The following BLK variants were observed in gnomAD, a reference collection of about 807,000 sequenced individuals.
BLK encodes the protein BLK proto-oncogene, Src family tyrosine kinase, also known as tyrosine-protein kinase Blk.
BLK carries 64 observed loss-of-function variants against 61.8 expected under a neutral mutation model. That is an observed-to-expected ratio of 1.03 (90% CI 0.85 to 1.27). The LOEUF (loss-of-function observed/expected upper bound fraction) is 1.27. BLK is among the 50% of genes most tolerant of loss of function. The pLI is 0.00. For synonymous variants in BLK, 351 were observed against 272.0 expected, an observed-to-expected ratio of 1.29 and a Z score of -2.86; for missense variants, 853 against 660.5, an observed-to-expected ratio of 1.29 and a Z score of -3.19.
chr8:11,547,489 CAAGGTGGGGGGCCCGGCAGG>C (rs1800698788), intron 3 of BLK, among the ~76,000 whole-genome samples: 1 of 152,218 alleles, frequency 6.6e-6, no homozygotes, highest in African/African-American at 2.4e-5. Context: ...GGCCCGCCAG[CAAGGTGGGGGGCCCGGCAGG>C]GTCACTGGCA....
intron 1 of BLK, among the ~76,000 whole-genome samples, chr8:11,523,898 T>C (rs1316370873): frequency 6.6e-6 from 1 of 152,132 alleles, no homozygotes; most frequent in Non-Finnish European, 1.5e-5. Context: ...AATGGCTTCC[T>C]TCATCACGGT....
rs369292852 is a variant in BLK at position 11,563,781 on chromosome 8, T to C, written c.1313-122T>C. ...GCAACGCACGAGGCTGGAGAAGTGG[T>C]CTGGGACTGTGGGCACTGCTGTCCC... On this transcript the variant is annotated intron_variant, in intron 12 of 12. Coordinates refer to ENST00000259089, the MANE Select transcript of BLK (RefSeq NM_001715.3). 298 of 934,862 alleles carry C rather than the reference T, an allele frequency of 3.2e-4. 3 individuals are homozygous for C. Among genetic ancestry groups the C allele is most frequent in the Middle Eastern group, 2.6e-3 (8 of 3,076 alleles). 57.9% of individuals were successfully genotyped at this position (934,862 alleles called of 1,614,324 possible).
At chr8:11,547,488 G>C (rs1028620448) in intron 3 of BLK, among the ~76,000 whole-genome samples, 2 of 152,224 alleles carry the variant, frequency 1.3e-5, no homozygotes, top group African/African-American at 4.8e-5. Context: ...GGGCCCGCCA[G>C]CAAGGTGGGG....
intron 8 of BLK, chr8:11,556,231 C>T (rs1360821451): frequency 1.7e-5 from 5 of 295,906 alleles, no homozygotes; most frequent in African/African-American, 2.2e-5. Context: ...GGGACAGGAT[C>T]GCCATGGGGC....
intron 8 of BLK, chr8:11,555,993 G>C (rs1046860554): frequency 7.0e-6 from 2 of 284,840 alleles, no homozygotes; most frequent in South Asian, 7.5e-5. Context: ...TATAAAACTC[G>C]TGTTCCGTTT....
At chr8:11,544,345 A>C (rs1800522023) in intron 2 of BLK, among the ~76,000 whole-genome samples, 1 of 152,030 alleles carries the variant, frequency 6.6e-6, no homozygotes, top group Non-Finnish European at 1.5e-5. Flanking sequence ...GGCAGTTGGG[A>C]GCCTTGCCGC....
chr8:11,531,185 T>C (rs887270970), intron 1 of BLK, among the ~76,000 whole-genome samples: 6 of 152,348 alleles, frequency 3.9e-5, no homozygotes, highest in East Asian at 1.9e-4. Context: ...GCTTCTTTTA[T>C]AGAGTTTAAA....
intron 6 of BLK, among the ~76,000 whole-genome samples, chr8:11,550,484 C>G (rs533782121): frequency 2.0e-5 from 3 of 152,268 alleles, no homozygotes; most frequent in Non-Finnish European, 4.4e-5. Flanking sequence ...CACAGGAAGC[C>G]GGGTGGACAG....
rs747048213 is a variant in BLK at position 11,564,081 on chromosome 8, C to G, written c.1491C>G (p.Thr497=). ...TGCTGGAGGACTTCTACACGGCCAC[C>G]GAGCGGCAGTACGAGCTGCAGCCCT... ...QSVLEDFYTA[T]ERQYELQP is the part of the protein sequence containing the mutation. Residue 497 remains threonine, a synonymous_variant, in exon 13 of 13, where the codon ACC becomes ACG. Transcript: ENST00000259089. 18 of 1,589,770 alleles carry G rather than the reference C, an allele frequency of 1.1e-5. No individual in the cohort carries two copies. The highest frequency in any genetic ancestry group is 2.7e-5 in the African/African-American group (2 of 74,590).
At chr8:11,508,276 G>C (rs1457692777) in intron 1 of BLK, among the ~76,000 whole-genome samples, 2 of 152,056 alleles carry the variant, frequency 1.3e-5, no homozygotes, top group Non-Finnish European at 2.9e-5. Context: ...CCCGTGGCTT[G>C]CAGACACATG....
intron 1 of BLK, among the ~76,000 whole-genome samples, chr8:11,507,117 G>GT (rs1333358498): frequency 1.3e-5 from 2 of 152,176 alleles, no homozygotes; most frequent in South Asian, 2.1e-4. Context: ...TGACATTGAT[G>GT]TTTTTTCCAA....
intron 1 of BLK, among the ~76,000 whole-genome samples, chr8:11,504,976 GCA>G (rs1191130280): frequency 6.6e-6 from 1 of 152,034 alleles, no homozygotes; most frequent in East Asian, 1.9e-4. Context: ...ACACATACAT[GCA>G]CACAGACACA....
intron 1 of BLK, among the ~76,000 whole-genome samples, chr8:11,506,834 G>A (rs1475187661): frequency 1.3e-5 from 2 of 152,204 alleles, no homozygotes; most frequent in Admixed American, 6.5e-5. Flanking sequence ...GGCCCCCCAG[G>A]TGGGACTCTC....
chr8:11,541,110 T>C (rs1325284103), intron 1 of BLK, among the ~76,000 whole-genome samples: 2 of 151,910 alleles, frequency 1.3e-5, no homozygotes, highest in Non-Finnish European at 2.9e-5. Context: ...TACCAAAAAA[T>C]AAAAAATTTA....
At chr8:11,502,814 G>C (rs1036201703) in intron 1 of BLK, among the ~76,000 whole-genome samples, 1 of 152,052 alleles carries the variant, frequency 6.6e-6, no homozygotes. Flanking sequence ...CCTGAGTCCC[G>C]AGCCTGACAG....
intron 2 of BLK, among the ~76,000 whole-genome samples, chr8:11,545,139 G>C (rs1020589429): frequency 6.6e-6 from 1 of 152,306 alleles, no homozygotes; most frequent in South Asian, 2.1e-4. Context: ...TCCGTGTTAC[G>C]CATGTGAAAC....
chr8:11,531,976 A>G (rs952201947), intron 1 of BLK, among the ~76,000 whole-genome samples: 1 of 151,992 alleles, frequency 6.6e-6, no homozygotes, highest in Non-Finnish European at 1.5e-5. Flanking sequence ...CTTCTGCATC[A>G]GCCTCCCAAG....
chr8:11,557,619 CG>C (rs1563122749), intron 9 of BLK, among the ~76,000 whole-genome samples: 1 of 152,056 alleles, frequency 6.6e-6, no homozygotes, highest in Non-Finnish European at 1.5e-5. Context: ...GAGGCCAACA[CG>C]GGGGGAAAGA....
At chr8:11,523,883 G>A (rs1443621618) in intron 1 of BLK, among the ~76,000 whole-genome samples, 1 of 151,764 alleles carries the variant, frequency 6.6e-6, no homozygotes, top group Non-Finnish European at 1.5e-5. Context: ...TCCAGGGACT[G>A]GAGAAATGGC....
Sources: allele counts gnomAD v4.1 joint callset (sites outside exome capture counted in the v4.1 genomes callset), GRCh38; gene constraint gnomAD v4.1.1; transcripts MANE v1.5; gene names NCBI Gene and HGNC (gene_info 2026-07-23, HGNC 2026-07-21).